The following SPATS2L variants were observed in gnomAD, a reference collection of about 807,000 sequenced individuals.
SPATS2L encodes the protein spermatogenesis associated serine rich 2 like.
A neutral mutation model predicts 59.6 loss-of-function variants in SPATS2L; 30 were observed. The observed-to-expected ratio is 0.50, with a 90% CI of 0.38 to 0.68. The LOEUF (loss-of-function observed/expected upper bound fraction) is 0.68, where lower values mean the gene tolerates loss of function less well. SPATS2L is among the 30% of genes least tolerant of loss of function. The pLI, the probability that SPATS2L is intolerant of heterozygous loss-of-function variation, is 0.00. For synonymous variants in SPATS2L, 252 were observed against 263.5 expected (o/e 0.96, Z 0.42); for missense variants, 615 against 700.0 (o/e 0.88, Z 1.37).
chr2:200,330,563 C>A (rs1001290890), intron 2 of SPATS2L, among the ~76,000 whole-genome samples: 10 of 152,306 alleles, frequency 6.6e-5, no homozygotes, highest in South Asian at 2.1e-4. Flanking sequence ...CATGCACAGG[C>A]GCACACACTG....
intron 3 of SPATS2L, among the ~76,000 whole-genome samples, chr2:200,403,726 C>T (rs2082603871): frequency 6.6e-6 from 1 of 152,140 alleles, no homozygotes; most frequent in Non-Finnish European, 1.5e-5. Flanking sequence ...TTTGCTCCTG[C>T]TTCTGGCTTG....
chr2:200,393,142 C>T, intron 3 of SPATS2L: 1 of 452,608 alleles, frequency 2.2e-6, no homozygotes, highest in Non-Finnish European at 4.4e-6. Context: ...CGAGGATTGG[C>T]AGCCCCTTTC....
intron 3 of SPATS2L, chr2:200,393,293 T>A: frequency 2.2e-6 from 1 of 456,718 alleles, no homozygotes; most frequent in Non-Finnish European, 4.4e-6. Flanking sequence ...GCAGCCGACA[T>A]TAGAGTGTCT....
At chr2:200,351,257 A>T in intron 2 of SPATS2L, 1 of 471,482 alleles carries the variant, frequency 2.1e-6, no homozygotes, top group South Asian at 1.5e-5. Flanking sequence ...TTTTAGATGC[A>T]CTAACCAACA....
chr2:200,361,525 G>A (rs1550293), intron 2 of SPATS2L, among the ~76,000 whole-genome samples: 106,697 of 152,192 alleles, frequency 0.7, 41,053 homozygotes, highest in South Asian at 0.9. Flanking sequence ...TTAACTGCAC[G>A]CTAAGAGAAT....
chr2:200,448,385 T>C (rs942408544), intron 8 of SPATS2L, among the ~76,000 whole-genome samples: 5 of 152,142 alleles, frequency 3.3e-5, no homozygotes, highest in Non-Finnish European at 7.3e-5. Flanking sequence ...GAGGTGGCAG[T>C]GAGCTGAGAT....
chr2:200,350,021 C>T (rs1213042967), intron 2 of SPATS2L, among the ~76,000 whole-genome samples: 1 of 152,130 alleles, frequency 6.6e-6, no homozygotes, highest in Admixed American at 6.6e-5. Context: ...CTCCTAGGCC[C>T]TTGTTTTCAA....
At chr2:200,428,073 C>G (rs60986484) in intron 6 of SPATS2L, among the ~76,000 whole-genome samples, 6 of 59,580 alleles carry the variant, frequency 1.0e-4, no homozygotes, top group Non-Finnish European at 1.7e-4. Context: ...GTCTCAAAAA[C>G]AAAAAAAAAA....
intron 2 of SPATS2L, chr2:200,351,238 T>G: frequency 2.1e-6 from 1 of 471,380 alleles, no homozygotes; most frequent in Non-Finnish European, 4.4e-6. Context: ...AACATCTCAG[T>G]GTTTGTGTTT....
intron 2 of SPATS2L, among the ~76,000 whole-genome samples, chr2:200,332,836 G>T (rs866427246): frequency 1.0e-4 from 15 of 150,368 alleles, no homozygotes; most frequent in African/African-American, 3.7e-4. Flanking sequence ...TATATTATAT[G>T]CATCCAGAGA....
At chr2:200,477,537 AAG>A in intron 12 of SPATS2L, 97 bp from the exon 13 acceptor site, 3 of 700,334 alleles carry the variant, frequency 4.3e-6, no homozygotes, top group South Asian at 3.8e-5. Flanking sequence ...AAAAAAAAAA[AAG>A]CTTACCTGTG....
chr2:200,473,083 G>GC (rs1553545236), intron 12 of SPATS2L, 31 bp downstream of exon 12: 3 of 1,233,028 alleles, frequency 2.4e-6, no homozygotes, highest in East Asian at 5.4e-5. Flanking sequence ...GGTGCCAGAG[G>GC]AAAAAAAAAA....
chr2:200,458,987 G>A (rs2086051856), intron 8 of SPATS2L, among the ~76,000 whole-genome samples: 1 of 152,108 alleles, frequency 6.6e-6, no homozygotes, highest in African/African-American at 2.4e-5. Flanking sequence ...CTGCCTTTTT[G>A]CTGAAACCTC....
chr2:200,379,940 C>G (rs904580072), intron 2 of SPATS2L, among the ~76,000 whole-genome samples: 2 of 152,032 alleles, frequency 1.3e-5, no homozygotes, highest in Non-Finnish European at 2.9e-5. Context: ...TCCGGGTCAC[C>G]CACATCTCTA....
chr2:200,466,613 G>A (rs115777274), intron 9 of SPATS2L, among the ~76,000 whole-genome samples: 6 of 152,312 alleles, frequency 3.9e-5, no homozygotes, highest in Admixed American at 1.3e-4. Flanking sequence ...AAATTCACAC[G>A]AATCTAGTTC....
chr2:200,436,955 T>G (rs559852722), intron 6 of SPATS2L, among the ~76,000 whole-genome samples: 1 of 152,112 alleles, frequency 6.6e-6, no homozygotes, highest in Non-Finnish European at 1.5e-5. Context: ...AGTTACTTCA[T>G]GTGAGATCTG....
intron 1 of SPATS2L, among the ~76,000 whole-genome samples, chr2:200,310,196 C>G (rs922279479): frequency 6.6e-6 from 1 of 152,142 alleles, no homozygotes; most frequent in Non-Finnish European, 1.5e-5. Flanking sequence ...TGCTTGATAA[C>G]AAACTTTTTG....
At chr2:200,351,572 C>T (rs532752491) in intron 2 of SPATS2L, among the ~76,000 whole-genome samples, 10 of 152,190 alleles carry the variant, frequency 6.6e-5, no homozygotes, top group South Asian at 2.1e-4. Context: ...TGTTCTGACA[C>T]GCATAATTGT....
chr2:200,322,135 A>G (rs548181543), intron 1 of SPATS2L, among the ~76,000 whole-genome samples: 4 of 152,128 alleles, frequency 2.6e-5, no homozygotes, highest in Non-Finnish European at 4.4e-5. Context: ...GTGTATTCTT[A>G]TATGTTTTGG....
Sources: allele counts gnomAD v4.1 joint callset (sites outside exome capture counted in the v4.1 genomes callset), GRCh38; gene constraint gnomAD v4.1.1; transcripts MANE v1.5; gene names NCBI Gene and HGNC (gene_info 2026-07-23, HGNC 2026-07-21).